Variants in MYO3B observed in about 807,000 individuals in gnomAD.
The protein encoded by MYO3B is myosin IIIB.
In MYO3B, 156 loss-of-function variants were observed where a neutral mutation model predicts 174.6. The ratio of observed to expected loss-of-function variants is 0.89; its 90% CI spans 0.78 to 1.02. The LOEUF (loss-of-function observed/expected upper bound fraction) is 1.02, where lower values mean the gene tolerates loss of function less well. Among genes scored for constraint, MYO3B ranks in the 50% least tolerant of loss-of-function variants. The pLI is 0.00. For missense variants in MYO3B, 1,632 were observed against 1,639.4 expected, an observed-to-expected ratio of 1.00 and a Z score of 0.08; for synonymous variants, 563 against 569.1, an observed-to-expected ratio of 0.99 and a Z score of 0.15.
chr2:170,461,466 CAAAAAAA>C (rs1178003357), intron 23 of MYO3B, among the ~76,000 whole-genome samples: 2 of 42,306 alleles, frequency 4.7e-5, no homozygotes, highest in African/African-American at 1.6e-4. Flanking sequence ...AACTCAGTCT[CAAAAAAA>C]AAAAAAAAAA....
At chr2:170,528,533 C>T (rs116703503) in intron 30 of MYO3B, among the ~76,000 whole-genome samples, 1,948 of 152,224 alleles carry the variant, frequency 0.013, 41 homozygotes, top group African/African-American at 0.044. Context: ...AGCCTCCTGA[C>T]TAGCTGGGAC....
At chr2:170,505,354 G>A (rs1268580976) in intron 28 of MYO3B, among the ~76,000 whole-genome samples, 6 of 152,038 alleles carry the variant, frequency 3.9e-5, no homozygotes, top group African/African-American at 1.2e-4. Flanking sequence ...TCTGACAATG[G>A]GTTCTTGCCA....
rs1553564290 is a variant in MYO3B, at chr2:170,220,653, A to AAT, written c.603+3259_603+3260dup. ...CAAAAAAAAAAAAAAAAAAAAAAAA[A>AAT]ATGGAGTGTTTCTGTAGGGGACAGT... On this transcript the variant is annotated intron_variant, in intron 6 of 34. Transcript: ENST00000408978. Among the ~76,000 whole-genome samples the AAT allele has an allele frequency of 1.1e-4, 16 of 141,166 alleles. 1 individual carries two copies. The highest frequency in any genetic ancestry group is 3.8e-4 in the African/African-American group (14 of 36,576). The allele number at this position is 141,166 out of a possible 152,430, so 92.6% of individuals were successfully genotyped here.
intron 32 of MYO3B, among the ~76,000 whole-genome samples, chr2:170,594,059 A>T (rs1272582583): frequency 6.6e-6 from 1 of 151,972 alleles, no homozygotes; most frequent in Admixed American, 6.6e-5. Flanking sequence ...TATGGTTCTG[A>T]TGGGGCCGTC....
At chr2:170,366,066 T>G (rs922173076) in intron 8 of MYO3B, among the ~76,000 whole-genome samples, 2 of 152,050 alleles carry the variant, frequency 1.3e-5, no homozygotes, top group African/African-American at 2.4e-5. Context: ...CTGCATGCTT[T>G]TTGCATGCAG....
intron 29 of MYO3B, among the ~76,000 whole-genome samples, chr2:170,518,253 A>G (rs975483196): frequency 6.6e-6 from 1 of 151,898 alleles, no homozygotes; most frequent in Non-Finnish European, 1.5e-5. Context: ...ATTTTTCTAC[A>G]CTCCATTTCT....
chr2:170,198,301 T>A (rs1343304425), intron 1 of MYO3B, among the ~76,000 whole-genome samples: 3 of 152,184 alleles, frequency 2.0e-5, no homozygotes, highest in Non-Finnish European at 1.5e-5. Flanking sequence ...TATTTCTCTC[T>A]TCTTTTATGT....
At chr2:170,531,587 G>A (rs185710790) in intron 30 of MYO3B, among the ~76,000 whole-genome samples, 15 of 152,310 alleles carry the variant, frequency 9.8e-5, no homozygotes, top group African/African-American at 3.4e-4. Context: ...AAATTGTAGT[G>A]ATTAGAGGAG....
At chr2:170,503,563 T>C (rs946079125) in intron 28 of MYO3B, among the ~76,000 whole-genome samples, 1 of 151,736 alleles carries the variant, frequency 6.6e-6, no homozygotes, top group African/African-American at 2.4e-5. Context: ...AGCAGGACTT[T>C]AGAAAACACA....
At chr2:170,495,530 TA>T (rs1360131555) in intron 25 of MYO3B, among the ~76,000 whole-genome samples, 1 of 151,916 alleles carries the variant, frequency 6.6e-6, no homozygotes, top group Non-Finnish European at 1.5e-5. Flanking sequence ...AGTTAAGTTC[TA>T]ATATTAATGA....
At chr2:170,213,206 G>A (rs1410779191) in intron 3 of MYO3B, among the ~76,000 whole-genome samples, 2 of 152,176 alleles carry the variant, frequency 1.3e-5, no homozygotes, top group East Asian at 1.9e-4. Context: ...AAACTCCTCA[G>A]ACACCGAGTT....
chr2:170,405,532 A>G lies in MYO3B; in HGVS notation c.2432-13A>G. On this transcript the variant is annotated splice_polypyrimidine_tract_variant and intron_variant, in intron 20 of 34. Transcript: ENST00000408978. ...ATTCACATTGTAACTCTCCAACATA[A>G]AAATCCACACAGATAAATTTGAAGA... The G allele has an allele frequency of 6.2e-7, 1 of 1,613,616 alleles. No individual in the cohort carries two copies. The highest frequency in any genetic ancestry group is 8.5e-7 in the Non-Finnish European group (1 of 1,179,564).
At chr2:170,551,919 C>CA (rs1200040480) in intron 32 of MYO3B, among the ~76,000 whole-genome samples, 2 of 151,770 alleles carry the variant, frequency 1.3e-5, no homozygotes, top group African/African-American at 2.4e-5. Flanking sequence ...AGCACTTCCC[C>CA]CTTCTCTCTC....
chr2:170,650,614 G>C (rs1039218453), intron 32 of MYO3B, among the ~76,000 whole-genome samples: 3 of 148,802 alleles, frequency 2.0e-5, no homozygotes, highest in African/African-American at 4.9e-5. Flanking sequence ...TTCAGATATA[G>C]AGCCAAAAGG....
chr2:170,534,151 G>A (rs1332225388), intron 30 of MYO3B, among the ~76,000 whole-genome samples: 1 of 152,138 alleles, frequency 6.6e-6, no homozygotes, highest in African/African-American at 2.4e-5. Flanking sequence ...ACCCTGTGTT[G>A]AGCAAGTCTG....
At chr2:170,461,649 G>A (rs1205813277) in intron 23 of MYO3B, among the ~76,000 whole-genome samples, 2 of 151,294 alleles carry the variant, frequency 1.3e-5, no homozygotes, top group South Asian at 2.1e-4. Context: ...GGTGGCAGGC[G>A]CCTGTAATCC....
chr2:170,454,256 G>A (rs1207303825), intron 23 of MYO3B, among the ~76,000 whole-genome samples: 1 of 152,228 alleles, frequency 6.6e-6, no homozygotes, highest in East Asian at 1.9e-4. Context: ...GGGAGGGCCA[G>A]CTGAGACCTT....
At chr2:170,399,242 CAAAAAAAA>C (rs71399532) in intron 16 of MYO3B, among the ~76,000 whole-genome samples, 4 of 15,608 alleles carry the variant, frequency 2.6e-4, no homozygotes, top group Non-Finnish European at 4.0e-4. Flanking sequence ...AATTCCGTCT[CAAAAAAAA>C]AAAAAAAAAA....
intron 32 of MYO3B, among the ~76,000 whole-genome samples, chr2:170,582,793 T>C (rs2106306012): frequency 6.6e-6 from 1 of 152,188 alleles, no homozygotes; most frequent in East Asian, 1.9e-4. Flanking sequence ...AAAATCGTCA[T>C]TGTGGTTTTT....
Sources: allele counts gnomAD v4.1 joint callset (sites outside exome capture counted in the v4.1 genomes callset), GRCh38; gene constraint gnomAD v4.1.1; transcripts MANE v1.5; gene names NCBI Gene and HGNC (gene_info 2026-07-23, HGNC 2026-07-21).